Variants in ASTN2 observed in about 807,000 individuals in gnomAD.
ASTN2 encodes the protein astrotactin-2.
A neutral mutation model predicts 139.8 loss-of-function variants in ASTN2; 54 were observed. The observed-to-expected ratio is 0.39, with a 90% CI of 0.31 to 0.48. The LOEUF is 0.48. ASTN2 is among the 20% of genes least tolerant of loss of function. ASTN2 has a pLI of 0.95. For synonymous variants in ASTN2, 756 were observed against 719.5 expected (o/e 1.05, Z -0.81); for missense variants, 1,565 against 1,725.1 (o/e 0.91, Z 1.64).
At position 117,377,581 on chromosome 9, in the gene ASTN2, A is replaced by G. The variant is rs147433755; in HGVS notation, c.442+36916T>C. ...AATATCTATGAAAATTAAAAAGTCC[A>G]TATTTTTGACCTCATAATACTGCTG... On this transcript the variant is annotated intron_variant, in intron 1 of 22. Coordinates refer to ENST00000313400, the MANE Select transcript of ASTN2 (RefSeq NM_001365068.1). Among the ~76,000 whole-genome samples the G allele has an allele frequency of 4.2e-3, 643 of 152,158 alleles. 2 individuals carry two copies. Among genetic ancestry groups the G allele is most frequent in the Non-Finnish European group, 6.0e-3 (409 of 68,008 alleles).
intron 17 of ASTN2, among the ~76,000 whole-genome samples, chr9:116,632,285 G>GAA (rs1856844030): frequency 6.8e-6 from 1 of 146,470 alleles, no homozygotes; most frequent in African/African-American, 2.5e-5. Context: ...AAGAAAGAAA[G>GAA]ATCACAAGTA....
At chr9:116,489,837 G>A (rs1849457238) in intron 19 of ASTN2, among the ~76,000 whole-genome samples, 1 of 152,080 alleles carries the variant, frequency 6.6e-6, no homozygotes, top group African/African-American at 2.4e-5. Flanking sequence ...GACAATACAT[G>A]GTTCATAGAC....
At chr9:116,654,465 T>G (rs1356615053) in intron 16 of ASTN2, among the ~76,000 whole-genome samples, 1 of 152,156 alleles carries the variant, frequency 6.6e-6, no homozygotes, top group African/African-American at 2.4e-5. Context: ...ATGTAAAAAT[T>G]GTGGAATCAA....
intron 5 of ASTN2, among the ~76,000 whole-genome samples, chr9:117,057,288 C>G (rs1308059510): frequency 6.6e-6 from 1 of 152,146 alleles, no homozygotes; most frequent in Non-Finnish European, 1.5e-5. Context: ...CCCAGGGACT[C>G]TCAGCTCCTT....
chr9:116,905,580 C>G (rs560181728), intron 10 of ASTN2, among the ~76,000 whole-genome samples: 5 of 152,240 alleles, frequency 3.3e-5, no homozygotes, highest in African/African-American at 1.2e-4. Flanking sequence ...TGGGCCCGCC[C>G]CTCACATTCA....
chr9:116,507,867 TTTC>T (rs554769552), intron 19 of ASTN2, among the ~76,000 whole-genome samples: 92 of 152,236 alleles, frequency 6.0e-4, no homozygotes, highest in African/African-American at 2.1e-3. Flanking sequence ...GTTTCACAAC[TTTC>T]TTCTTCTTCT....
chr9:116,526,495 G>A (rs1851096254), intron 19 of ASTN2, among the ~76,000 whole-genome samples: 1 of 151,972 alleles, frequency 6.6e-6, no homozygotes, highest in Non-Finnish European at 1.5e-5. Context: ...AGTGGCTCAT[G>A]CCTGTAATCC....
chr9:117,087,526 T>A (rs112728113), intron 5 of ASTN2, among the ~76,000 whole-genome samples: 117 of 152,170 alleles, frequency 7.7e-4, no homozygotes, highest in Middle Eastern at 3.4e-3. Context: ...CTGCGCCTGG[T>A]CACTATTGTT....
At position 116,618,344 on chromosome 9, in the gene ASTN2, G is replaced by A. The variant is rs1284340072; in HGVS notation, c.3335C>T (p.Thr1112Ile). Residue 1112 changes from threonine (T) to isoleucine (I), a missense_variant, in exon 19 of 23, where the codon ACA (threonine) becomes ATA (isoleucine). Transcript: ENST00000313400. ...ILQHKKVDEY[T>I]DTDLYTGEFL... ...CCTACCTGTGTACAGGTCAGTGTCT[G>A]TGTATTCATCCACTTTCTTATGCTG... The A allele has an allele frequency of 7.4e-6, 12 of 1,614,074 alleles. No individual in the cohort carries two copies. The highest frequency in any genetic ancestry group is 1.1e-5 in the South Asian group (1 of 91,058).
chr9:117,051,398 T>C (rs1379286448), intron 5 of ASTN2, among the ~76,000 whole-genome samples: 25 of 152,184 alleles, frequency 1.6e-4, no homozygotes, highest in Admixed American at 1.6e-3. Flanking sequence ...TAGAAAGCTA[T>C]TGAGAGGCAA....
intron 3 of ASTN2, among the ~76,000 whole-genome samples, chr9:117,144,688 T>G (rs1377533100): frequency 8.3e-5 from 8 of 96,686 alleles, no homozygotes; most frequent in Admixed American, 2.2e-4. Flanking sequence ...TTTTTTTTTT[T>G]TTTTTTTTTT....
chr9:116,902,078 A>T (rs938931870), intron 10 of ASTN2, among the ~76,000 whole-genome samples: 1 of 152,174 alleles, frequency 6.6e-6, no homozygotes, highest in African/African-American at 2.4e-5. Flanking sequence ...AATAAAATAA[A>T]ATAAAAGTTA....
intron 5 of ASTN2, among the ~76,000 whole-genome samples, chr9:117,069,385 A>C (rs1464608772): frequency 9.0e-6 from 1 of 111,018 alleles, no homozygotes; most frequent in African/African-American, 3.9e-5. Flanking sequence ...AGTTTGTTAT[A>C]ATTTCTGTTC....
intron 13 of ASTN2, among the ~76,000 whole-genome samples, chr9:116,791,039 G>GAAAGAAAGAAAAGA (rs1554746886): frequency 7.3e-5 from 6 of 82,092 alleles, no homozygotes. Flanking sequence ...AAGAAAGAAA[G>GAAAGAAAGAAAAGA]AAAGAAAAGA....
chr9:116,603,047 C>G (rs1854990099), intron 19 of ASTN2, among the ~76,000 whole-genome samples: 1 of 152,178 alleles, frequency 6.6e-6, no homozygotes. Flanking sequence ...ATATTCAAAA[C>G]TGTGTTTTTC....
At chr9:117,088,138 C>T (rs1303989336) in intron 5 of ASTN2, among the ~76,000 whole-genome samples, 1 of 152,156 alleles carries the variant, frequency 6.6e-6, no homozygotes. Flanking sequence ...AACCTTGTTG[C>T]TTGATGAGAA....
At chr9:116,806,059 C>A (rs575246144) in intron 12 of ASTN2, among the ~76,000 whole-genome samples, 1 of 152,148 alleles carries the variant, frequency 6.6e-6, no homozygotes, top group African/African-American at 2.4e-5. Flanking sequence ...GGGACACCAG[C>A]GTGCACGTTC....
intron 5 of ASTN2, among the ~76,000 whole-genome samples, chr9:117,059,959 C>G (rs1251204840): frequency 2.0e-5 from 3 of 152,086 alleles, no homozygotes; most frequent in African/African-American, 7.2e-5. Context: ...CTCACAAGAT[C>G]CAATTGTTAA....
At chr9:116,527,800 G>C (rs1851159062) in intron 19 of ASTN2, among the ~76,000 whole-genome samples, 1 of 152,038 alleles carries the variant, frequency 6.6e-6, no homozygotes, top group African/African-American at 2.4e-5. Flanking sequence ...CATCAGATCT[G>C]ATGGTTTAAA....
Sources: gnomAD v4.1 joint callset for allele counts (sites outside exome capture counted in the v4.1 genomes callset) on GRCh38, gnomAD v4.1.1 for gene constraint, MANE v1.5 for transcripts, NCBI Gene and HGNC (gene_info 2026-07-23, HGNC 2026-07-21) for gene names.